DCAF1: variants seen among roughly 807,000 people sequenced by gnomAD.
DCAF1 encodes the protein DDB1 and CUL4 associated factor 1, also known as DDB1- and CUL4-associated factor 1.
In DCAF1, 15 loss-of-function variants were observed where a neutral mutation model predicts 128.0. The ratio of observed to expected loss-of-function variants is 0.12; its 90% confidence interval spans 0.08 to 0.18. The LOEUF is 0.18. Ranked by LOEUF, DCAF1 falls within the 10% of genes least tolerant of loss-of-function variation. The pLI is 1.00. For synonymous variants in DCAF1, 610 were observed against 603.0 expected (o/e 1.01, Z -0.17); for missense variants, 988 against 1,649.5 (o/e 0.60, Z 6.95).
intron 12 of DCAF1, 34 bp downstream of exon 12, chr3:51,429,227 C>G (rs1700166635): frequency 1.4e-6 from 1 of 734,814 alleles, no homozygotes; most frequent in African/African-American, 1.7e-5. Flanking sequence ...AGAGGGCTAA[C>G]AGAACTTTCC....
chr3:51,436,441 A>G (rs782727439), intron 9 of DCAF1: 1 of 520,044 alleles, frequency 1.9e-6, no homozygotes, highest in Non-Finnish European at 3.8e-6. Flanking sequence ...GAATTATGAC[A>G]CTGAGCCATG....
In DCAF1 at chr3:51,427,357, T is replaced by G. The variant is rs1482180558; in HGVS notation, c.1847+15A>C. ...GATGCATCAAACTTCATTTGAAATC[T>G]CTCTCTGGTCCCACCTTGCATAATA... On this transcript the variant is annotated intron_variant, in intron 13 of 24. Coordinates refer to ENST00000684031, the MANE Select transcript of DCAF1 (RefSeq NM_001387579.1). The G allele has an allele frequency of 1.5e-6, 1 of 674,548 alleles. No individual in the cohort carries two copies. Among genetic ancestry groups the G allele is most frequent in the Non-Finnish European group, 2.7e-6 (1 of 365,192 alleles). The allele number at this position is 674,548 out of a possible 1,614,324, so 41.8% of individuals were successfully genotyped here.
intron 7 of DCAF1, among the ~76,000 whole-genome samples, chr3:51,442,454 T>C (rs1228134788): frequency 6.6e-6 from 1 of 152,104 alleles, no homozygotes; most frequent in East Asian, 1.9e-4. Context: ...TCCCAGTAAT[T>C]TGGGAGGCCA....
intron 24 of DCAF1, among the ~76,000 whole-genome samples, chr3:51,399,161 C>T (rs1197432100): frequency 6.6e-6 from 1 of 152,224 alleles, no homozygotes; most frequent in Admixed American, 6.5e-5. Context: ...GCAGAGCTGA[C>T]GGGAGCAGTG....
chr3:51,442,197 G>A (rs550411299), intron 7 of DCAF1, among the ~76,000 whole-genome samples: 30 of 152,110 alleles, frequency 2.0e-4, no homozygotes, highest in Non-Finnish European at 4.4e-4. Flanking sequence ...CACCTGAAGA[G>A]GCAGAAATTA....
chr3:51,479,753 G>A (rs781814803), intron 3 of DCAF1, among the ~76,000 whole-genome samples: 7 of 152,044 alleles, frequency 4.6e-5, no homozygotes, highest in Non-Finnish European at 8.8e-5. Flanking sequence ...CCAAGATCGC[G>A]CCACTGCACT....
At chr3:51,407,136 G>A (rs987541424) in intron 23 of DCAF1, among the ~76,000 whole-genome samples, 2 of 125,438 alleles carry the variant, frequency 1.6e-5, no homozygotes, top group East Asian at 2.4e-4. Context: ...AAGCCTGGGC[G>A]AGACAGAGTG....
At chr3:51,479,118 G>A (rs1342644886) in intron 3 of DCAF1, among the ~76,000 whole-genome samples, 3 of 152,004 alleles carry the variant, frequency 2.0e-5, no homozygotes, top group Admixed American at 2.0e-4. Context: ...TCTCCATCTT[G>A]ACACATTTAT....
In DCAF1 at chr3:51,441,380, C is replaced by G. The variant is rs2107686996; in HGVS notation, c.1026+5G>C. ...TGTGAACAGTACTCTTCCCAATAAG[C>G]TTACCTCCTGATATTCTCCTAGAGG... On this transcript the variant is annotated splice_donor_5th_base_variant and intron_variant, in intron 8 of 24. Transcript: ENST00000684031. 6.2e-7 allele frequency: 1 copy of G among 1,610,256 alleles called. No individual in the cohort carries two copies. Among genetic ancestry groups the G allele is most frequent in the Non-Finnish European group, 8.5e-7 (1 of 1,177,964 alleles).
chr3:51,419,356 C>T (rs1699185916), intron 15 of DCAF1, among the ~76,000 whole-genome samples: 1 of 149,568 alleles, frequency 6.7e-6, no homozygotes, highest in African/African-American at 2.5e-5. Context: ...GAGACTCCGT[C>T]TCCAAAAAAA....
chr3:51,399,037 C>T (rs1483162748), intron 24 of DCAF1, among the ~76,000 whole-genome samples: 4 of 152,252 alleles, frequency 2.6e-5, no homozygotes, highest in African/African-American at 9.6e-5. Context: ...AGACCTTTTG[C>T]TCTCCTAAGG....
intron 1 of DCAF1, among the ~76,000 whole-genome samples, chr3:51,497,442 C>T (rs1187096214): frequency 6.6e-6 from 1 of 151,848 alleles, no homozygotes; most frequent in African/African-American, 2.4e-5. Context: ...CAAAAATTAG[C>T]TGGGCATGGT....
At chr3:51,474,425 AT>A (rs1553649684) in intron 3 of DCAF1, among the ~76,000 whole-genome samples, 1 of 152,134 alleles carries the variant, frequency 6.6e-6, no homozygotes, top group African/African-American at 2.4e-5. Context: ...TGTCCCAAAA[AT>A]ATAACTAAAT....
chr3:51,487,160 C>A (rs1298566239), intron 2 of DCAF1, among the ~76,000 whole-genome samples: 7 of 150,572 alleles, frequency 4.6e-5, no homozygotes, highest in Non-Finnish European at 8.9e-5. Flanking sequence ...TTAGTAGAGA[C>A]AGGGTTTCAC....
chr3:51,411,156 C>A, intron 23 of DCAF1, among the ~76,000 whole-genome samples: 1 of 132,662 alleles, frequency 7.5e-6, no homozygotes, highest in African/African-American at 2.9e-5. Context: ...AGCAGAACTC[C>A]ATCTCAGAAA....
intron 6 of DCAF1, among the ~76,000 whole-genome samples, chr3:51,451,673 A>C (rs1387426527): frequency 6.7e-6 from 1 of 149,530 alleles, no homozygotes; most frequent in Non-Finnish European, 1.5e-5. Context: ...GAGGCAGGAG[A>C]CTCCCTTGAA....
intron 3 of DCAF1, among the ~76,000 whole-genome samples, chr3:51,475,226 A>G (rs782767119): frequency 6.6e-6 from 1 of 151,650 alleles, no homozygotes; most frequent in Admixed American, 6.6e-5. Flanking sequence ...AAAATCTACT[A>G]GTATCAAAAA....
intron 4 of DCAF1, among the ~76,000 whole-genome samples, chr3:51,469,736 A>C (rs1704526441): frequency 6.6e-6 from 1 of 151,846 alleles, no homozygotes; most frequent in Admixed American, 6.6e-5. Context: ...TTAGCCCAAA[A>C]TTGGCCAGGC....
chr3:51,428,842 T>A (rs1700130790), intron 12 of DCAF1, among the ~76,000 whole-genome samples: 1 of 151,828 alleles, frequency 6.6e-6, no homozygotes, highest in Non-Finnish European at 1.5e-5. Flanking sequence ...CAAAAAAATT[T>A]AAAAATTAGC....
Sources: allele counts gnomAD v4.1 joint callset (sites outside exome capture counted in the v4.1 genomes callset), GRCh38; gene constraint gnomAD v4.1.1; transcripts MANE v1.5; gene names NCBI Gene and HGNC (gene_info 2026-07-23, HGNC 2026-07-21).